THPO: variants seen among roughly 807,000 people sequenced by gnomAD.
The protein encoded by THPO is MPL ligand.
A neutral mutation model predicts 17.0 loss-of-function variants in THPO; 12 were observed. That is an observed-to-expected ratio of 0.71 (90% CI 0.45 to 1.14). The LOEUF (loss-of-function observed/expected upper bound fraction) is 1.14, where lower values mean the gene tolerates loss of function less well. Ranked by LOEUF, THPO falls within the 50% of genes most tolerant of loss-of-function variation. THPO has a pLI of 0.00. For synonymous variants in THPO, 188 were observed against 183.0 expected, an observed-to-expected ratio of 1.03 and a Z score of -0.22; for missense variants, 365 against 427.5, an observed-to-expected ratio of 0.85 and a Z score of 1.29.
chr3:184,372,779 G>A lies in THPO; in HGVS notation c.796C>T (p.Arg266Cys), dbSNP rs186070598. Residue 266 changes from arginine to cysteine, a missense_variant, in exon 6 of 6, where the codon CGC (arginine) becomes TGC (cysteine). Physicochemically the swap from Arg to Cys is radical, Grantham distance 180. Coordinates refer to ENST00000647395, the MANE Select transcript of THPO (RefSeq NM_000460.4). ...ATGTCCGGGGCTCCTAGGGTCCTGC[G>A]TGAGGGTCCAGGAAAGAGTCCACGA... ...GTRGLFPGPSRRTLGAPDISS... is the reference protein window; with the variant it reads ...GTRGLFPGPSCRTLGAPDISS... 6.2e-6 allele frequency: 10 copies of A among 1,614,070 alleles called. No individual in the cohort carries two copies. The highest frequency in any genetic ancestry group is 1.6e-4 in the Middle Eastern group (1 of 6,062).
Position 184,376,306 on chromosome 3 carries a change from C to A in THPO, c.-47G>T. On this transcript the variant is annotated 5_prime_UTR_variant, in exon 2 of 6. Coordinates refer to ENST00000647395, the MANE Select transcript of THPO (RefSeq NM_000460.4). ...GCGTGGCTCCCTGTTTGGGGCCTCT[C>A]CCCTGAATCCTTCCTGGGGCCATGG... 6.2e-7 allele frequency: 1 copy of A among 1,614,212 alleles called. No individual in the cohort carries two copies. Among genetic ancestry groups the A allele is most frequent in the Non-Finnish European group, 8.5e-7 (1 of 1,180,034 alleles).
chr3:184,372,240 T>G lies in THPO; in HGVS notation c.*273A>C. ...GCAGAGTTATCACAGAAAAAGAGCATGTAGAGAATCAGTGAGTTGCAAATT... is the reference window on the plus strand; with the variant it reads ...GCAGAGTTATCACAGAAAAAGAGCAGGTAGAGAATCAGTGAGTTGCAAATT... On this transcript the variant is annotated 3_prime_UTR_variant, in exon 6 of 6. Coordinates refer to ENST00000647395, the MANE Select transcript of THPO (RefSeq NM_000460.4). 2.2e-6 allele frequency: 1 copy of G among 448,908 alleles called. No individual in the cohort carries two copies. 27.8% of individuals were successfully genotyped at this position (448,908 alleles called of 1,614,324 possible). A position where few individuals can be genotyped will look rare whatever the true frequency, so the allele number is the denominator to read the frequency against.
rs756222187 is a variant in THPO at position 184,372,629 on chromosome 3, G to C, written c.946C>G (p.Pro316Ala). 2.5e-6 allele frequency: 4 copies of C among 1,613,434 alleles called. No homozygotes were observed. In the South Asian group the frequency reaches 4.4e-5, roughly 18 times the overall value. Residue 316 changes from proline (P) to alanine (A), a missense_variant, in exon 6 of 6, where the codon CCT (proline) becomes GCT (alanine). Pro to Ala is a conservative substitution (Grantham distance 27). Transcript: ENST00000647395. ...LFPLPPTLPTPVVQLHPLLPD... is the reference protein window; with the variant it reads ...LFPLPPTLPTAVVQLHPLLPD... ...AGCAGGGGGTGGAGCTGGACCACAG[G>C]GGTGGGCAAGGTGGGTGGAAGAGGG... is the stretch of plus-strand genomic sequence containing the variant.
At chr3:184,378,764 G>A (rs1714688741), upstream of THPO, 1 of 980,532 alleles carries the variant, frequency 1.0e-6, no homozygotes, top group African/African-American at 1.8e-5. Context: ...GAGCTTAGGT[G>A]CTCGTCTGCT....
intron 1 of THPO, among the ~76,000 whole-genome samples, chr3:184,376,682 G>A (rs930851862): frequency 6.6e-6 from 1 of 151,856 alleles, no homozygotes; most frequent in Non-Finnish European, 1.5e-5. Flanking sequence ...CCGGCTCTAC[G>A]AAATACAAAA....
rs1322918309 is a variant in THPO at position 184,374,705 on chromosome 3, AG to A, written c.228+809del. ...TCAGATCCTTTTCGTAGGAAGTGCT[AG>A]GGCCAGAGGCTTAAATGATGGAAGC... On this transcript the variant is annotated intron_variant, in intron 4 of 5. Coordinates refer to ENST00000647395, the MANE Select transcript of THPO (RefSeq NM_000460.4). 2.6e-5 allele frequency among the ~76,000 whole-genome samples: 4 copies of A among 152,246 alleles called. No homozygotes were observed. The East Asian group carries it at 7.7e-4, about 29-fold the overall frequency.
At chr3:184,379,059 A>T (rs1672316878), upstream of THPO, among the ~76,000 whole-genome samples, 1 of 151,804 alleles carries the variant, frequency 6.6e-6, no homozygotes, top group South Asian at 2.1e-4. Flanking sequence ...CCTGACCTTG[A>T]TCCCATCATC....
In THPO at chr3:184,375,538, A is replaced by C. The variant is rs1466586251; in HGVS notation, c.205T>G (p.Leu69Val). 1.9e-6 allele frequency: 3 copies of C among 1,614,174 alleles called. No individual in the cohort carries two copies. In the South Asian group the frequency reaches 3.3e-5, roughly 18 times the overall value. ...PVLLPAVDFS[L>V]GEWKTQMEET... ...ACCATCTGGGTTTTCCATTCTCCCA[A>C]GCTAAAGTCCACAGCAGGCAGCAGG... The change falls in exon 4 of 6, where the codon TTG becomes GTG. Residue 69 changes from leucine (L) to valine (V), a missense_variant. Physicochemically the swap from Leu to Val is conservative, Grantham distance 32. Coordinates refer to ENST00000647395, the MANE Select transcript of THPO (RefSeq NM_000460.4).
At chr3:184,377,000 A>T (rs757191846) in intron 1 of THPO, among the ~76,000 whole-genome samples, 1 of 152,154 alleles carries the variant, frequency 6.6e-6, no homozygotes, top group Non-Finnish European at 1.5e-5. Flanking sequence ...CACATATCTT[A>T]ATTAGCCTTA....
chr3:184,378,413 A>G, upstream of THPO: 2 of 984,924 alleles, frequency 2.0e-6, no homozygotes, highest in African/African-American at 3.5e-5. Context: ...TTTTTCCAGG[A>G]GGAATCTGGC....
At position 184,373,367 on chromosome 3, in the gene THPO, T is replaced by C. The variant is rs1714116724; in HGVS notation, c.396+48A>G. The C allele has an allele frequency of 2.5e-6, 4 of 1,610,276 alleles. No homozygotes were observed. The Admixed American group carries it at 5.0e-5, about 20-fold the overall frequency. The stretch of plus-strand genomic sequence containing the variant: ...CTTCCCTCAGGTCTTCTAGGGGGAC[T>C]GAGTCAGAAAAGAACAGTTTCTACA... On this transcript the variant is annotated intron_variant, in intron 5 of 5. Transcript: ENST00000647395.
chr3:184,375,395 G>A, intron 4 of THPO, 120 bp downstream of exon 4: 1 of 1,024,846 alleles, frequency 9.8e-7, no homozygotes, highest in Admixed American at 1.8e-5. Flanking sequence ...TTGGGTTAGG[G>A]TGGCCAAGCT....
At chr3:184,378,337 T>A, upstream of THPO, 1 of 985,470 alleles carries the variant, frequency 1.0e-6, no homozygotes, top group Non-Finnish European at 1.2e-6. Flanking sequence ...AAGATTTGGA[T>A]AGGGGGATCC....
In THPO at chr3:184,372,934, G is replaced by T. The variant is rs757001881; in HGVS notation, c.641C>A (p.Thr214Asn). ...CTGCCACTTCAGAAGCCCAGAGCCA[G>T]TAGTTCTGGCTGAGGCAGTGAAGTT... ...ETNFTASART[T>N]GSGLLKWQQG... The change falls in exon 6 of 6, where the codon ACT (threonine) becomes AAT (asparagine). Residue 214 changes from threonine (T) to asparagine (N), a missense_variant. Physicochemically the swap from Thr to Asn is moderately conservative, Grantham distance 65 (BLOSUM62 0). Coordinates refer to ENST00000647395, the MANE Select transcript of THPO (RefSeq NM_000460.4). The T allele has an allele frequency of 1.6e-5, 26 of 1,613,768 alleles. No homozygotes were observed. The Admixed American group carries it at 2.8e-4, about 18-fold the overall frequency.
Position 184,378,162 on chromosome 3 carries a change from C to T in THPO, c.-233G>A. The T allele has an allele frequency of 1.0e-6, 1 of 985,552 alleles. No homozygotes were observed. The highest frequency in any genetic ancestry group is 1.2e-6 in the Non-Finnish European group (1 of 830,016). The allele number at this position is 985,552 out of a possible 1,614,324, so 61.1% of individuals were successfully genotyped here. A position where few individuals can be genotyped will look rare whatever the true frequency, so the allele number is the denominator to read the frequency against. On this transcript the variant is annotated 5_prime_UTR_variant, in exon 1 of 6. The change creates a new upstream start codon in the 5' untranslated region. Coordinates refer to ENST00000647395, the MANE Select transcript of THPO (RefSeq NM_000460.4). ...TAGGAAGACATGTGGCGGTGGGGCACAGCCCCTCCACAGCAGCAGGTCATA... is the reference window on the plus strand; with the variant it reads ...TAGGAAGACATGTGGCGGTGGGGCATAGCCCCTCCACAGCAGCAGGTCATA...
intron 1 of THPO, 61 bp from the exon 2 acceptor site, chr3:184,376,465 G>T: frequency 6.9e-7 from 1 of 1,448,126 alleles, no homozygotes; most frequent in Non-Finnish European, 9.1e-7. Flanking sequence ...TGCCTGGCAG[G>T]GTGAACAGAT....
At chr3:184,376,879 A>C (rs184923620) in intron 1 of THPO, among the ~76,000 whole-genome samples, 86 of 151,712 alleles carry the variant, frequency 5.7e-4, no homozygotes, top group Middle Eastern at 3.4e-3. Context: ...AGAAAGAAAG[A>C]AAGCAAGAAA....
intron 4 of THPO, among the ~76,000 whole-genome samples, chr3:184,374,806 G>T (rs1413869992): frequency 5.3e-5 from 8 of 151,622 alleles, no homozygotes; most frequent in African/African-American, 1.7e-4. Flanking sequence ...TTTTCTTTTT[G>T]AGACGGAGTT....
At position 184,373,008 on chromosome 3, in the gene THPO, GA is replaced by G. The variant is rs1714055534; in HGVS notation, c.566del (p.Val189AlafsTer4). 1 of 1,613,992 alleles carries G rather than the reference GA, an allele frequency of 6.2e-7. No homozygotes were observed. Among genetic ancestry groups the G allele is most frequent in the Non-Finnish European group, 8.5e-7 (1 of 1,180,026 alleles). ...TGTTTGGGAGCTCGTTCAGTGTGAG[GA>G]CTAGAGAGGTTCTGCTGGGGACAGC... Reference protein sequence around the residue: ...TTAVPSRTSLVLTLNELPNRT... With the variant: ...TTAVPSRTSLXLTLNELPNRT... On this transcript the variant is annotated frameshift_variant, in exon 6 of 6. Coordinates refer to ENST00000647395, the MANE Select transcript of THPO (RefSeq NM_000460.4). LOFTEE classifies it low-confidence loss of function (END_TRUNC).
Sources: allele counts gnomAD v4.1 joint callset (sites outside exome capture counted in the v4.1 genomes callset), GRCh38; gene constraint gnomAD v4.1.1; transcripts MANE v1.5; gene names NCBI Gene and HGNC (gene_info 2026-07-23, HGNC 2026-07-21).